Variants in FTO observed in about 807,000 individuals in gnomAD.
FTO encodes the protein alpha-ketoglutarate-dependent dioxygenase FTO.
A neutral mutation model predicts 63.9 loss-of-function variants in FTO; 47 were observed. The ratio of observed to expected loss-of-function variants is 0.74; its 90% CI spans 0.58 to 0.94. The LOEUF is 0.94. Among genes scored for constraint, FTO ranks in the 40% least tolerant of loss-of-function variants. The probability of loss-of-function intolerance (pLI) is 0.00; values close to 1 mark genes in which losing one functional copy is unlikely to be tolerated. For missense variants in FTO, 562 were observed against 618.1 expected (o/e 0.91, Z 0.96); for synonymous variants, 207 against 224.4 (o/e 0.92, Z 0.69).
chr16:53,826,438 A>T lies in FTO; in HGVS notation c.698A>T (p.Asp233Val). The T allele has an allele frequency of 6.2e-7, 1 of 1,614,216 alleles. No homozygotes were observed. The highest frequency in any genetic ancestry group is 8.5e-7 in the Non-Finnish European group (1 of 1,180,036). Residue 233 changes from aspartate to valine, a missense_variant, in exon 3 of 9, where the codon GAT becomes GTT. Asp to Val is a radical substitution (Grantham distance 152). Transcript: ENST00000471389. ...MGKMAVSWHH[D>V]ENLVDRSAVA... Reference sequence around the variant, plus strand: ...AAAATGGCAGTGAGCTGGCATCATGATGAAAATCTGGTGGACAGGTCAGCG... The same window carrying T: ...AAAATGGCAGTGAGCTGGCATCATGTTGAAAATCTGGTGGACAGGTCAGCG...
intron 3 of FTO, among the ~76,000 whole-genome samples, chr16:53,829,526 T>C (rs989012783): frequency 2.0e-5 from 3 of 152,260 alleles, no homozygotes; most frequent in African/African-American, 7.2e-5. Flanking sequence ...TCTGGTCTTA[T>C]AATCCTTGGC....
chr16:54,114,136 C>T lies in FTO; in HGVS notation c.*2221C>T, dbSNP rs1293417605. On this transcript the variant is annotated 3_prime_UTR_variant, in exon 9 of 9. Transcript: ENST00000471389. ...GCATTTTTCTTTAGAACTCAGAACA[C>T]CCAATAGTCCTAGGCCCCCATCCTC... The T allele has an allele frequency of 6.6e-6, 1 of 152,206 alleles. No homozygotes were observed. The highest frequency in any genetic ancestry group is 6.5e-5 in the Admixed American group (1 of 15,276). The allele number at this position is 152,206 out of a possible 1,614,324, so 9.4% of individuals were successfully genotyped here.
At chr16:54,072,859 G>C (rs1741143535) in intron 8 of FTO, among the ~76,000 whole-genome samples, 1 of 152,148 alleles carries the variant, frequency 6.6e-6, no homozygotes, top group Admixed American at 6.5e-5. Context: ...TTTACCATCT[G>C]CCACTGGACA....
intron 8 of FTO, among the ~76,000 whole-genome samples, chr16:54,108,051 C>T (rs1340217227): frequency 6.6e-6 from 1 of 152,166 alleles, no homozygotes; most frequent in Non-Finnish European, 1.5e-5. Context: ...GTCCCACCCA[C>T]ATCAAGTCAT....
At chr16:54,051,941 A>G (rs2085322656) in intron 8 of FTO, among the ~76,000 whole-genome samples, 1 of 152,192 alleles carries the variant, frequency 6.6e-6, no homozygotes, top group Non-Finnish European at 1.5e-5. Flanking sequence ...AGGTTGTTTG[A>G]TAACATCTCT....
chr16:53,792,159 CAA>C (rs1175525895), intron 1 of FTO, among the ~76,000 whole-genome samples: 23 of 151,898 alleles, frequency 1.5e-4, no homozygotes, highest in African/African-American at 5.5e-4. Flanking sequence ...TAAATGGAAA[CAA>C]AGAGAAATAC....
chr16:54,049,028 T>C (rs1327176725), intron 8 of FTO, among the ~76,000 whole-genome samples: 9 of 152,164 alleles, frequency 5.9e-5, no homozygotes, highest in South Asian at 2.1e-4. Context: ...CTTTCTTTTT[T>C]TCCCCCCAGC....
chr16:54,066,165 T>C (rs2085725850), intron 8 of FTO, among the ~76,000 whole-genome samples: 2 of 152,202 alleles, frequency 1.3e-5, no homozygotes, highest in Non-Finnish European at 2.9e-5. Flanking sequence ...GGATTCCCCA[T>C]AGCATTTTTG....
At chr16:54,050,870 G>C (rs989494231) in intron 8 of FTO, among the ~76,000 whole-genome samples, 6 of 152,062 alleles carry the variant, frequency 3.9e-5, no homozygotes, top group East Asian at 1.9e-4. Flanking sequence ...TTAACTTTCT[G>C]ATTTATTTGC....
At chr16:53,888,735 A>G (rs2151906491) in intron 6 of FTO, 97 bp from the exon 7 acceptor site, 3 of 1,333,238 alleles carry the variant, frequency 2.3e-6, no homozygotes, top group African/African-American at 1.4e-5. Context: ...TCCTATGGCC[A>G]TCAAGTTACT....
At chr16:53,978,891 C>T (rs1446392516) in intron 8 of FTO, among the ~76,000 whole-genome samples, 2 of 151,912 alleles carry the variant, frequency 1.3e-5, no homozygotes, top group Non-Finnish European at 2.9e-5. Flanking sequence ...CCCAGCAACT[C>T]GGGAGGCTGA....
At chr16:53,814,170 C>T (rs568445584) in intron 2 of FTO, among the ~76,000 whole-genome samples, 2 of 151,996 alleles carry the variant, frequency 1.3e-5, no homozygotes, top group African/African-American at 4.8e-5. Context: ...TTAATAGGAC[C>T]GTAGAGAAAA....
At chr16:53,772,256 C>T (rs2077356722) in intron 1 of FTO, among the ~76,000 whole-genome samples, 1 of 151,918 alleles carries the variant, frequency 6.6e-6, no homozygotes, top group Non-Finnish European at 1.5e-5. Context: ...TATTTTGTTC[C>T]TCTAACAGGG....
At chr16:54,033,166 G>A (rs780980107) in intron 8 of FTO, among the ~76,000 whole-genome samples, 1 of 152,164 alleles carries the variant, frequency 6.6e-6, no homozygotes, top group Non-Finnish European at 1.5e-5. Flanking sequence ...TATCATCTTG[G>A]TTTTCAGAAA....
chr16:53,963,080 A>G (rs1204531750), intron 8 of FTO, among the ~76,000 whole-genome samples: 1 of 152,234 alleles, frequency 6.6e-6, no homozygotes, highest in Non-Finnish European at 1.5e-5. Flanking sequence ...ATTTTAAAAC[A>G]GTATAGTCAC....
chr16:54,096,214 G>A (rs558234677), intron 8 of FTO, among the ~76,000 whole-genome samples: 35 of 152,272 alleles, frequency 2.3e-4, no homozygotes, highest in African/African-American at 7.5e-4. Context: ...CTGACCCAGC[G>A]GCATAGATAT....
chr16:53,741,329 C>T (rs1010828366), intron 1 of FTO, among the ~76,000 whole-genome samples: 3 of 152,170 alleles, frequency 2.0e-5, no homozygotes, highest in Admixed American at 6.5e-5. Context: ...CATTTTGAAA[C>T]AATGAGGTTA....
intron 1 of FTO, among the ~76,000 whole-genome samples, chr16:53,801,617 G>A (rs2078228240): frequency 6.6e-6 from 1 of 151,556 alleles, no homozygotes; most frequent in Non-Finnish European, 1.5e-5. Flanking sequence ...AGATCTGCTG[G>A]TGTTGAATTC....
chr16:53,820,660 A>G (rs900332720), intron 2 of FTO, among the ~76,000 whole-genome samples: 3 of 143,230 alleles, frequency 2.1e-5, no homozygotes, highest in African/African-American at 7.7e-5. Context: ...CCCAGAGTGT[A>G]ATATTCCCCT....
Sources: allele counts gnomAD v4.1 joint callset (sites outside exome capture counted in the v4.1 genomes callset), GRCh38; gene constraint gnomAD v4.1.1; transcripts MANE v1.5; gene names NCBI Gene and HGNC (gene_info 2026-07-23, HGNC 2026-07-21).